Variants in TENM2 observed in about 807,000 individuals in gnomAD.
The protein encoded by TENM2 is teneurin-2.
A neutral mutation model predicts 245.2 loss-of-function variants in TENM2; 52 were observed. That is an observed-to-expected ratio of 0.21 (90% confidence interval 0.17 to 0.27). The LOEUF is 0.27. Ranked by LOEUF, TENM2 falls within the 10% of genes least tolerant of loss-of-function variation. The pLI is 1.00. For synonymous variants in TENM2, 1,363 were observed against 1,438.9 expected, an observed-to-expected ratio of 0.95 and a Z score of 1.19; for missense variants, 3,046 against 3,666.8, an observed-to-expected ratio of 0.83 and a Z score of 4.37.
the TENM2 span, among the ~76,000 whole-genome samples, chr5:167,162,668 G>T: frequency 6.6e-6 from 1 of 151,334 alleles, no homozygotes; most frequent in Non-Finnish European, 1.5e-5. Context: ...ACCTCCTTAG[G>T]ACTGGGGAAA....
intron 2 of TENM2, among the ~76,000 whole-genome samples, chr5:167,492,320 A>G (rs1768482581): frequency 6.6e-6 from 1 of 152,088 alleles, no homozygotes; most frequent in Admixed American, 6.6e-5. Flanking sequence ...GGAGGGCATA[A>G]CCCTATTTGG....
chr5:167,408,242 A>G (rs1762733908), intron 2 of TENM2, among the ~76,000 whole-genome samples: 1 of 152,166 alleles, frequency 6.6e-6, no homozygotes, highest in Non-Finnish European at 1.5e-5. Flanking sequence ...AAGTAGAAGG[A>G]AGCTTGGAAC....
At chr5:167,983,456 G>T (rs778183314) in intron 4 of TENM2, among the ~76,000 whole-genome samples, 36 of 152,130 alleles carry the variant, frequency 2.4e-4, no homozygotes, top group Non-Finnish European at 4.9e-4. Flanking sequence ...TTTTGGTACG[G>T]CTGCAAATTT....
chr5:167,938,398 A>T (rs1212785415), intron 3 of TENM2: 3 of 152,240 alleles, frequency 2.0e-5, no homozygotes, highest in African/African-American at 7.2e-5. Context: ...AGTGTGTCAT[A>T]ATGGCCTCTA....
intron 6 of TENM2, among the ~76,000 whole-genome samples, chr5:168,053,598 C>A (rs1789296179): frequency 6.6e-6 from 1 of 152,098 alleles, no homozygotes; most frequent in Admixed American, 6.5e-5. Context: ...GATAGTATAA[C>A]AACTATTTAC....
At chr5:168,148,519 A>G (rs546344940) in intron 12 of TENM2, among the ~76,000 whole-genome samples, 24 of 152,334 alleles carry the variant, frequency 1.6e-4, no homozygotes, top group African/African-American at 5.8e-4. Context: ...TGATTAGCTA[A>G]AAACTGTTTA....
At chr5:168,057,185 CA>C (rs537880974) in intron 6 of TENM2, among the ~76,000 whole-genome samples, 45 of 152,086 alleles carry the variant, frequency 3.0e-4, no homozygotes, top group Non-Finnish European at 5.7e-4. Context: ...GCTTGTTTAA[CA>C]ATATGGATAT....
chr5:167,105,483 G>A, the TENM2 span, among the ~76,000 whole-genome samples: 104 of 152,172 alleles, frequency 6.8e-4, 1 homozygote, highest in South Asian at 0.019. Flanking sequence ...CTAACACCAC[G>A]CCTAGTTAAA....
At chr5:168,123,186 C>T (rs1365566540) in intron 10 of TENM2, among the ~76,000 whole-genome samples, 1 of 151,558 alleles carries the variant, frequency 6.6e-6, no homozygotes, top group Admixed American at 6.6e-5. Context: ...GTGGTCCTAA[C>T]TAGTTGGCAG....
intron 2 of TENM2, among the ~76,000 whole-genome samples, chr5:167,602,441 A>G (rs140451914): frequency 1.9e-4 from 29 of 152,192 alleles, no homozygotes; most frequent in African/African-American, 6.7e-4. Context: ...GTATTTTTTT[A>G]TTGATGAGGA....
At chr5:167,734,092 G>T (rs1052573854) in intron 2 of TENM2, among the ~76,000 whole-genome samples, 1 of 152,136 alleles carries the variant, frequency 6.6e-6, no homozygotes, top group Non-Finnish European at 1.5e-5. Flanking sequence ...GATGGACTTT[G>T]GGGATTTTCT....
At chr5:167,400,105 G>T (rs1762279276) in intron 2 of TENM2, among the ~76,000 whole-genome samples, 1 of 152,138 alleles carries the variant, frequency 6.6e-6, no homozygotes, top group Non-Finnish European at 1.5e-5. Context: ...GTCACCGAAG[G>T]TTATTAACAA....
At chr5:167,256,380 G>A in the TENM2 span, among the ~76,000 whole-genome samples, 52 of 152,222 alleles carry the variant, frequency 3.4e-4, 2 homozygotes, top group Admixed American at 3.1e-3. Flanking sequence ...AGGCTTTGTC[G>A]TGAATCCAAA....
intron 3 of TENM2, among the ~76,000 whole-genome samples, chr5:167,881,282 A>G (rs1042602768): frequency 1.1e-4 from 17 of 152,282 alleles, no homozygotes; most frequent in African/African-American, 3.8e-4. Flanking sequence ...TGATAATACT[A>G]TCTTGCTCTT....
intron 2 of TENM2, among the ~76,000 whole-genome samples, chr5:167,601,799 T>A (rs1776653061): frequency 3.9e-5 from 6 of 152,216 alleles, no homozygotes. Flanking sequence ...TTGCTTATGC[T>A]AGTGCTTAGT....
intron 13 of TENM2, among the ~76,000 whole-genome samples, chr5:168,181,669 C>CTTTTT (rs36042366): frequency 1.4e-4 from 11 of 78,888 alleles, no homozygotes; most frequent in East Asian, 7.3e-4. Flanking sequence ...AGTTTTACTT[C>CTTTTT]TTTTTTTTTT....
the TENM2 span, among the ~76,000 whole-genome samples, chr5:167,091,808 C>T: frequency 6.6e-6 from 1 of 152,110 alleles, no homozygotes; most frequent in Non-Finnish European, 1.5e-5. Flanking sequence ...TTTTGTCTAA[C>T]AACCAAGTAG....
chr5:167,456,472 AT>A (rs1342202734), intron 2 of TENM2, among the ~76,000 whole-genome samples: 1 of 152,154 alleles, frequency 6.6e-6, no homozygotes, highest in East Asian at 1.9e-4. Context: ...GTTGCTATGA[AT>A]ACACACACAC....
At chr5:168,029,677 A>G (rs1786940061) in intron 5 of TENM2, among the ~76,000 whole-genome samples, 1 of 152,218 alleles carries the variant, frequency 6.6e-6, no homozygotes, top group South Asian at 2.1e-4. Context: ...CCTTCCTGTC[A>G]TGCCACTTTG....
Sources: allele counts gnomAD v4.1 joint callset (sites outside exome capture counted in the v4.1 genomes callset), GRCh38; gene constraint gnomAD v4.1.1; transcripts MANE v1.5; gene names NCBI Gene and HGNC (gene_info 2026-07-23, HGNC 2026-07-21).